Variants in DNAJC2 observed in about 807,000 individuals in gnomAD.
The protein encoded by DNAJC2 is dnaJ homolog subfamily C member 2.
DNAJC2 carries 32 observed loss-of-function variants against 94.0 expected under a neutral mutation model. That is an observed-to-expected ratio of 0.34 (90% CI 0.26 to 0.46). DNAJC2 has a LOEUF of 0.46. DNAJC2 is among the 20% of genes least tolerant of loss of function. The pLI is 1.00. For missense variants in DNAJC2, 550 were observed against 719.5 expected, an observed-to-expected ratio of 0.76 and a Z score of 2.69; for synonymous variants, 210 against 229.7, an observed-to-expected ratio of 0.91 and a Z score of 0.77.
chr7:103,321,543 T>C (rs1231844700), intron 10 of DNAJC2, among the ~76,000 whole-genome samples: 1 of 146,810 alleles, frequency 6.8e-6, no homozygotes, highest in African/African-American at 2.6e-5. Context: ...TAAAAATAAT[T>C]TTTTTTTTTC....
At chr7:103,320,849 T>C in intron 10 of DNAJC2, 1 of 185,390 alleles carries the variant, frequency 5.4e-6, no homozygotes, top group Non-Finnish European at 1.1e-5. Context: ...TTTTTTTTTT[T>C]TGAGATGGAG....
chr7:103,342,007 G>T, intron 1 of DNAJC2, 53 bp from the exon 2 acceptor site: 1 of 1,327,192 alleles, frequency 7.5e-7, no homozygotes, highest in Non-Finnish European at 1.0e-6. Flanking sequence ...GAATAAATAT[G>T]TTTCAAGGCA....
intron 10 of DNAJC2, among the ~76,000 whole-genome samples, chr7:103,320,255 A>G (rs1406863373): frequency 1.3e-5 from 2 of 151,532 alleles, no homozygotes; most frequent in Non-Finnish European, 2.9e-5. Flanking sequence ...CACCTGGCTA[A>G]TTTTTTCTAT....
chr7:103,322,424 T>G (rs905667816), intron 9 of DNAJC2, 87 bp downstream of exon 9: 2 of 1,276,070 alleles, frequency 1.6e-6, no homozygotes, highest in Admixed American at 2.8e-5. Flanking sequence ...GAATTATAGT[T>G]TTTTTTAAAA....
At chr7:103,337,069 C>G (rs1819202330) in intron 3 of DNAJC2, 1 of 152,192 alleles carries the variant, frequency 6.6e-6, no homozygotes, top group African/African-American at 2.4e-5. Context: ...AGAACATTCT[C>G]CTAAGATAGA....
At chr7:103,333,987 G>A (rs541789639) in intron 3 of DNAJC2, among the ~76,000 whole-genome samples, 8 of 144,780 alleles carry the variant, frequency 5.5e-5, no homozygotes, top group Non-Finnish European at 9.0e-5. Context: ...GTCTCGCTCT[G>A]TTGCCCAGGC....
intron 7 of DNAJC2, 141 bp from the exon 8 acceptor site, chr7:103,322,935 T>A (rs1448781089): frequency 3.0e-6 from 2 of 668,424 alleles, no homozygotes; most frequent in Non-Finnish European, 4.7e-6. Context: ...AAACAATGAT[T>A]TTTTTTTTTT....
intron 15 of DNAJC2, chr7:103,314,726 C>G (rs749323612): frequency 1.2e-6 from 1 of 840,760 alleles, no homozygotes; most frequent in Non-Finnish European, 1.4e-6. Flanking sequence ...TGATTTTCCT[C>G]CCCTATATTA....
intron 3 of DNAJC2, among the ~76,000 whole-genome samples, chr7:103,330,574 C>A (rs995736936): frequency 2.0e-5 from 3 of 152,102 alleles, no homozygotes; most frequent in African/African-American, 7.2e-5. Flanking sequence ...GCCTCAGCCT[C>A]CTGAGTAGCT....
intron 13 of DNAJC2, 51 bp downstream of exon 13, chr7:103,316,779 T>G: frequency 1.4e-6 from 2 of 1,471,156 alleles, no homozygotes; most frequent in Non-Finnish European, 1.9e-6. Flanking sequence ...CTGTCTACAT[T>G]ATCTCCAGGC....
chr7:103,330,263 G>A (rs1303095377), intron 3 of DNAJC2, among the ~76,000 whole-genome samples: 1 of 152,032 alleles, frequency 6.6e-6, no homozygotes, highest in African/African-American at 2.4e-5. Context: ...TATTCTTTTA[G>A]TGTACTATTA....
At chr7:103,333,630 A>G (rs1715288374) in intron 3 of DNAJC2, among the ~76,000 whole-genome samples, 1 of 152,178 alleles carries the variant, frequency 6.6e-6, no homozygotes, top group African/African-American at 2.4e-5. Flanking sequence ...TCCATCATCC[A>G]AAAAGTTCCC....
chr7:103,326,040 A>G (rs1818686420), intron 5 of DNAJC2, among the ~76,000 whole-genome samples: 1 of 152,030 alleles, frequency 6.6e-6, no homozygotes, highest in Admixed American at 6.6e-5. Flanking sequence ...GTGTAGTGGC[A>G]TGACCTCGGC....
At chr7:103,340,046 C>G (rs1438390380) in intron 2 of DNAJC2, among the ~76,000 whole-genome samples, 2 of 152,184 alleles carry the variant, frequency 1.3e-5, no homozygotes, top group Non-Finnish European at 2.9e-5. Context: ...CCATGTTGGT[C>G]AGGCTGGTCT....
At chr7:103,334,012 G>A (rs1020210961) in intron 3 of DNAJC2, among the ~76,000 whole-genome samples, 6 of 150,232 alleles carry the variant, frequency 4.0e-5, no homozygotes, top group East Asian at 2.0e-4. Flanking sequence ...GTGCAGTGGC[G>A]TGATCTCAGC....
At chr7:103,339,860 T>C (rs577483469) in intron 2 of DNAJC2, among the ~76,000 whole-genome samples, 3 of 152,240 alleles carry the variant, frequency 2.0e-5, no homozygotes, top group Non-Finnish European at 4.4e-5. Context: ...TTTTTTGAGA[T>C]AGAGTTTTGC....
At chr7:103,334,811 G>T (rs1243147426) in intron 3 of DNAJC2, among the ~76,000 whole-genome samples, 1 of 152,074 alleles carries the variant, frequency 6.6e-6, no homozygotes, top group Non-Finnish European at 1.5e-5. Context: ...CAAGGGTTCA[G>T]AAACAGTGAC....
chr7:103,324,375 G>A, intron 6 of DNAJC2, 107 bp downstream of exon 6: 9 of 994,874 alleles, frequency 9.0e-6, no homozygotes, highest in Non-Finnish European at 1.2e-5. Flanking sequence ...GTTCAGTGAA[G>A]GTTCTGCAAT....
chr7:103,313,719 T>C, intron 15 of DNAJC2: 9 of 985,348 alleles, frequency 9.1e-6, no homozygotes, highest in Non-Finnish European at 9.6e-6. Flanking sequence ...ATAACTGCTA[T>C]TGTGGTTCTT....
Sources: allele counts gnomAD v4.1 joint callset (sites outside exome capture counted in the v4.1 genomes callset), GRCh38; gene constraint gnomAD v4.1.1; transcripts MANE v1.5; gene names NCBI Gene and HGNC (gene_info 2026-07-23, HGNC 2026-07-21).